FBXO4: variants seen among roughly 807,000 people sequenced by gnomAD.
The protein encoded by FBXO4 is F-box protein 4, also known as F-box only protein 4.
A neutral mutation model predicts 43.7 loss-of-function variants in FBXO4; 36 were observed. The observed-to-expected ratio is 0.82, with a 90% CI of 0.63 to 1.09. The LOEUF (loss-of-function observed/expected upper bound fraction) is 1.09, where lower values mean the gene tolerates loss of function less well. Ranked by LOEUF, FBXO4 falls within the 50% of genes least tolerant of loss-of-function variation. The pLI, the probability that FBXO4 is intolerant of heterozygous loss-of-function variation, is 0.00. For synonymous variants in FBXO4, 180 were observed against 165.6 expected (o/e 1.09, Z -0.67); for missense variants, 435 against 474.1 (o/e 0.92, Z 0.77).
the FBXO4 span, among the ~76,000 whole-genome samples, chr5:41,988,439 G>A: frequency 1.3e-5 from 2 of 152,178 alleles, no homozygotes; most frequent in Admixed American, 1.3e-4. Flanking sequence ...GTATGAGGAT[G>A]TTTTTCTGTG....
Position 41,939,431 on chromosome 5 carries a change from C to A in FBXO4, c.899-10C>A, listed in dbSNP as rs751506047. The A allele has an allele frequency of 4.4e-6, 7 of 1,584,042 alleles. No individual in the cohort carries two copies. Among genetic ancestry groups the A allele is most frequent in the Non-Finnish European group, 6.0e-6 (7 of 1,164,054 alleles). On this transcript the variant is annotated splice_polypyrimidine_tract_variant and intron_variant, in intron 5 of 6. Transcript: ENST00000281623. ...AATGCAAATTAAGGGTTTTGACTTACATTCCTTAGGACATGAATGGCAAGA... is the reference window on the plus strand; with the variant it reads ...AATGCAAATTAAGGGTTTTGACTTAAATTCCTTAGGACATGAATGGCAAGA...
chr5:41,925,580 G>T, intron 1 of FBXO4, 82 bp downstream of exon 1: 1 of 1,108,762 alleles, frequency 9.0e-7, no homozygotes. Flanking sequence ...CCGGGGCCTG[G>T]GGAACTCTCG....
the FBXO4 span, among the ~76,000 whole-genome samples, chr5:41,956,186 A>G: frequency 6.6e-6 from 1 of 152,230 alleles, no homozygotes; most frequent in Non-Finnish European, 1.5e-5. Flanking sequence ...TAATTATTAG[A>G]CAAGGACTAT....
At chr5:41,942,685 A>G (rs749474113), downstream of FBXO4, among the ~76,000 whole-genome samples, 3 of 152,026 alleles carry the variant, frequency 2.0e-5, no homozygotes, top group African/African-American at 7.2e-5. Context: ...TATGAAATTT[A>G]TCTCTCTTAT....
chr5:42,030,213 A>G, the FBXO4 span, among the ~76,000 whole-genome samples: 1 of 152,134 alleles, frequency 6.6e-6, no homozygotes, highest in Non-Finnish European at 1.5e-5. Flanking sequence ...ACTATACTAC[A>G]AGGCTACAGT....
chr5:42,025,068 G>A, the FBXO4 span, among the ~76,000 whole-genome samples: 7 of 151,986 alleles, frequency 4.6e-5, no homozygotes, highest in Admixed American at 3.9e-4. Context: ...TATATACTCA[G>A]CAATGGGATT....
the FBXO4 span, among the ~76,000 whole-genome samples, chr5:41,980,580 T>A: frequency 1.3e-5 from 2 of 152,122 alleles, no homozygotes; most frequent in Admixed American, 6.5e-5. Context: ...GGGATTGTGA[T>A]TCCAAAACAT....
intron 2 of FBXO4, 111 bp from the exon 3 acceptor site, chr5:41,929,586 T>C (rs1251392183): frequency 6.6e-6 from 5 of 754,070 alleles, no homozygotes; most frequent in East Asian, 5.4e-5. Flanking sequence ...ATTGGGACTA[T>C]ATAATCATTG....
At chr5:41,934,491 G>A (rs981922190) in intron 5 of FBXO4, 183 bp downstream of exon 5, 4 of 1,422,640 alleles carry the variant, frequency 2.8e-6, no homozygotes, top group South Asian at 3.0e-5. Flanking sequence ...CACCTGGGAA[G>A]CTTGTTAAAC....
the FBXO4 span, among the ~76,000 whole-genome samples, chr5:41,991,809 T>C: frequency 6.6e-6 from 1 of 152,210 alleles, no homozygotes; most frequent in Non-Finnish European, 1.5e-5. Flanking sequence ...CCGGGCACAG[T>C]GGCTCACGCC....
At chr5:41,998,835 T>A in the FBXO4 span, among the ~76,000 whole-genome samples, 2 of 152,170 alleles carry the variant, frequency 1.3e-5, no homozygotes, top group African/African-American at 4.8e-5. Context: ...TTTTCCACTA[T>A]TTCAGCTCTT....
chr5:42,030,825 G>T, the FBXO4 span, among the ~76,000 whole-genome samples: 1 of 152,154 alleles, frequency 6.6e-6, no homozygotes, highest in East Asian at 1.9e-4. Context: ...CTCAAAAGAA[G>T]ACATTTATGC....
chr5:41,949,691 C>G, the FBXO4 span, among the ~76,000 whole-genome samples: 1 of 152,184 alleles, frequency 6.6e-6, no homozygotes, highest in African/African-American at 2.4e-5. Flanking sequence ...CATCGACTTT[C>G]TTCACAGATT....
chr5:41,939,434 T>G lies in FBXO4; in HGVS notation c.899-7T>G, dbSNP rs1453292186. ...GCAAATTAAGGGTTTTGACTTACAT[T>G]CCTTAGGACATGAATGGCAAGATGA... On this transcript the variant is annotated splice_polypyrimidine_tract_variant and splice_region_variant and intron_variant, in intron 5 of 6. Coordinates refer to ENST00000281623, the MANE Select transcript of FBXO4 (RefSeq NM_012176.3). 6.3e-7 allele frequency: 1 copy of G among 1,594,022 alleles called. No homozygotes were observed. The highest frequency in any genetic ancestry group is 8.6e-7 in the Non-Finnish European group (1 of 1,169,514).
chr5:41,947,603 T>A, the FBXO4 span, among the ~76,000 whole-genome samples: 1 of 152,142 alleles, frequency 6.6e-6, no homozygotes, highest in African/African-American at 2.4e-5. Flanking sequence ...TGGGAAAATA[T>A]CATCAGCCTA....
At chr5:41,959,853 G>A in the FBXO4 span, among the ~76,000 whole-genome samples, 1 of 151,762 alleles carries the variant, frequency 6.6e-6, no homozygotes, top group South Asian at 2.1e-4. Context: ...AGTCTTTTGT[G>A]GTTTCATATA....
chr5:42,038,975 A>G, the FBXO4 span, among the ~76,000 whole-genome samples: 1 of 152,002 alleles, frequency 6.6e-6, no homozygotes, highest in Admixed American at 6.6e-5. Flanking sequence ...TTCATTTTCT[A>G]TAAGATGTAG....
At chr5:41,991,612 T>G in the FBXO4 span, among the ~76,000 whole-genome samples, 1 of 152,174 alleles carries the variant, frequency 6.6e-6, no homozygotes, top group Admixed American at 6.5e-5. Context: ...AAATTTCTGT[T>G]GGACTCTGGT....
At chr5:42,012,897 T>C in the FBXO4 span, among the ~76,000 whole-genome samples, 3 of 152,328 alleles carry the variant, frequency 2.0e-5, no homozygotes, top group African/African-American at 7.2e-5. Context: ...TCAGTAACGT[T>C]AGGTAGCAGA....
Sources: allele counts gnomAD v4.1 joint callset (sites outside exome capture counted in the v4.1 genomes callset), GRCh38; gene constraint gnomAD v4.1.1; transcripts MANE v1.5; gene names NCBI Gene and HGNC (gene_info 2026-07-23, HGNC 2026-07-21).